The following ATP8A2 variants were observed in gnomAD, a reference collection of about 807,000 sequenced individuals.
ATP8A2 encodes ATPase phospholipid transporting 8A2, also known as phospholipid-transporting ATPase IB.
In ATP8A2, 100 loss-of-function variants were observed where a neutral mutation model predicts 165.6. That is an observed-to-expected ratio of 0.60 (90% CI 0.51 to 0.71). The LOEUF is 0.71. Among genes scored for constraint, ATP8A2 ranks in the 30% least tolerant of loss-of-function variants. ATP8A2 has a pLI of 0.00. For synonymous variants in ATP8A2, 543 were observed against 548.8 expected, an observed-to-expected ratio of 0.99 and a Z score of 0.15; for missense variants, 1,227 against 1,479.5, an observed-to-expected ratio of 0.83 and a Z score of 2.80.
At chr13:25,524,617 C>T (rs919405521) in intron 2 of ATP8A2, among the ~76,000 whole-genome samples, 2 of 151,736 alleles carry the variant, frequency 1.3e-5, no homozygotes, top group African/African-American at 2.4e-5. Flanking sequence ...ACTTGTAGTC[C>T]GTTTTGTGTA....
At chr13:25,566,823 A>G (rs991628700) in intron 16 of ATP8A2, among the ~76,000 whole-genome samples, 1 of 152,200 alleles carries the variant, frequency 6.6e-6, no homozygotes, top group African/African-American at 2.4e-5. Context: ...AAAACACTCA[A>G]AGGATTCCTG....
chr13:25,783,033 T>C (rs527888595), intron 27 of ATP8A2, among the ~76,000 whole-genome samples: 1 of 150,808 alleles, frequency 6.6e-6, no homozygotes, highest in African/African-American at 2.4e-5. Flanking sequence ...TAGCCACCTC[T>C]TCTGGCCCAG....
At chr13:25,613,757 A>G (rs1267313374) in intron 24 of ATP8A2, among the ~76,000 whole-genome samples, 1 of 152,186 alleles carries the variant, frequency 6.6e-6, no homozygotes, top group Non-Finnish European at 1.5e-5. Flanking sequence ...GGAGCTAAAG[A>G]TAGGACCCCA....
chr13:25,980,208 G>T (rs550826008), intron 35 of ATP8A2, among the ~76,000 whole-genome samples: 1 of 152,232 alleles, frequency 6.6e-6, no homozygotes, highest in East Asian at 1.9e-4. Context: ...CAGGTCTTAC[G>T]GCCTCCTCTC....
rs141595056 is a variant in ATP8A2, at chr13:25,533,153, G to T, written c.467-120G>T. ...GGGGTGCTGATGTTATGCCATCATG[G>T]CTAAAGATAGGGTATGTTAGAATTA... On this transcript the variant is annotated intron_variant, in intron 5 of 36. Transcript: ENST00000381655. 6.6e-4 allele frequency: 440 copies of T among 662,764 alleles called. 3 individuals carry two copies. The African/African-American group carries it at 7.1e-3, about 11-fold the overall frequency. 41.1% of individuals were successfully genotyped at this position (662,764 alleles called of 1,614,324 possible). A position where few individuals can be genotyped will look rare whatever the true frequency, so the allele number is the denominator to read the frequency against.
intron 25 of ATP8A2, among the ~76,000 whole-genome samples, chr13:25,767,662 G>A (rs2044519106): frequency 1.3e-5 from 2 of 152,206 alleles, no homozygotes; most frequent in Non-Finnish European, 2.9e-5. Context: ...ACCTACTGCA[G>A]GAGGCATCGA....
intron 24 of ATP8A2, among the ~76,000 whole-genome samples, chr13:25,649,506 C>T (rs1209156014): frequency 6.6e-6 from 1 of 152,152 alleles, no homozygotes; most frequent in Non-Finnish European, 1.5e-5. Context: ...AGTTTTCCTT[C>T]CTGCCTGTGT....
intron 31 of ATP8A2, 71 bp from the exon 32 acceptor site, chr13:25,860,733 G>C (rs1029873445): frequency 4.9e-6 from 6 of 1,232,712 alleles, no homozygotes; most frequent in Admixed American, 2.0e-5. Context: ...TGGAGAGATG[G>C]GATTTCTCAT....
intron 10 of ATP8A2, among the ~76,000 whole-genome samples, chr13:25,549,181 C>T (rs990197562): frequency 3.3e-5 from 5 of 151,986 alleles, no homozygotes; most frequent in South Asian, 4.2e-4. Flanking sequence ...CGGGCCCGGC[C>T]GGGCGCGGTG....
At chr13:25,478,161 C>G (rs1291545390) in intron 2 of ATP8A2, among the ~76,000 whole-genome samples, 2 of 151,646 alleles carry the variant, frequency 1.3e-5, no homozygotes, top group African/African-American at 2.4e-5. Context: ...TGGGAAAACC[C>G]TTACTCTCGG....
intron 24 of ATP8A2, among the ~76,000 whole-genome samples, chr13:25,671,994 T>C (rs1307892781): frequency 6.6e-6 from 1 of 152,216 alleles, no homozygotes; most frequent in Non-Finnish European, 1.5e-5. Context: ...TTTTGTACTC[T>C]GTCCCTTTAT....
chr13:26,018,009 G>C (rs943036962), intron 36 of ATP8A2, among the ~76,000 whole-genome samples: 5 of 152,208 alleles, frequency 3.3e-5, no homozygotes, highest in African/African-American at 9.7e-5. Flanking sequence ...GTTCTCTTCT[G>C]TTCTGTTCAC....
At chr13:25,591,131 C>CTG (rs1041864830) in intron 24 of ATP8A2, 9 of 190,214 alleles carry the variant, frequency 4.7e-5, no homozygotes, top group South Asian at 9.1e-5. Context: ...ATTGGAAATA[C>CTG]TATGTGTGTG....
chr13:25,680,391 G>C (rs1158380297), intron 24 of ATP8A2, among the ~76,000 whole-genome samples: 1 of 152,168 alleles, frequency 6.6e-6, no homozygotes, highest in African/African-American at 2.4e-5. Flanking sequence ...GAAGAGACTA[G>C]GAAAAGATCC....
At chr13:25,568,626 A>G (rs1203533399) in intron 16 of ATP8A2, among the ~76,000 whole-genome samples, 1 of 152,134 alleles carries the variant, frequency 6.6e-6, no homozygotes, top group African/African-American at 2.4e-5. Flanking sequence ...ATGGAGAGTT[A>G]TTGTTTAATG....
At chr13:25,988,999 G>C (rs994470777) in intron 35 of ATP8A2, among the ~76,000 whole-genome samples, 4 of 152,238 alleles carry the variant, frequency 2.6e-5, no homozygotes, top group African/African-American at 9.6e-5. Flanking sequence ...CGGGCCGTCA[G>C]CCTGTTTGTG....
chr13:25,827,151 C>A (rs1260200839), intron 27 of ATP8A2, among the ~76,000 whole-genome samples: 1 of 152,036 alleles, frequency 6.6e-6, no homozygotes, highest in Admixed American at 6.6e-5. Context: ...CTCTTGTCGC[C>A]CAGGCTGGAG....
rs148952978 is a variant in ATP8A2, at chr13:26,016,676, C to A, written c.3470-3212C>A. Among the ~76,000 whole-genome samples the A allele has an allele frequency of 5.9e-3, 900 of 152,254 alleles. 5 individuals carry two copies. Among genetic ancestry groups the A allele is most frequent in the Middle Eastern group, 0.027 (8 of 294 alleles). On this transcript the variant is annotated intron_variant, in intron 36 of 36. Coordinates refer to ENST00000381655, the MANE Select transcript of ATP8A2 (RefSeq NM_016529.6). ...CCCCCAACCAGGAGAAAAAAGCAGG[C>A]CAAAAGAGGTATAATAGGTAGTTAA...
At chr13:25,570,630 G>A (rs913255900) in intron 16 of ATP8A2, 137 bp from the exon 17 acceptor site, 11 of 607,154 alleles carry the variant, frequency 1.8e-5, no homozygotes, top group South Asian at 2.6e-5. Flanking sequence ...GGGGATCTGA[G>A]GTCCATATTA....
Sources: allele counts gnomAD v4.1 joint callset (sites outside exome capture counted in the v4.1 genomes callset), GRCh38; gene constraint gnomAD v4.1.1; transcripts MANE v1.5; gene names NCBI Gene and HGNC (gene_info 2026-07-23, HGNC 2026-07-21).